The following SMCP variants were observed in gnomAD, a reference collection of about 807,000 sequenced individuals.
SMCP encodes the protein sperm mitochondrial-associated cysteine-rich protein.
For missense variants in SMCP, 137 were observed against 137.1 expected, an observed-to-expected ratio of 1.00 and a Z score of 0.01; for synonymous variants, 41 against 46.9, an observed-to-expected ratio of 0.87 and a Z score of 0.51.
intron 1 of SMCP, among the ~76,000 whole-genome samples, chr1:152,881,765 A>C: frequency 6.6e-6 from 1 of 151,920 alleles, no homozygotes; most frequent in East Asian, 1.9e-4. Context: ...TAATCGATTC[A>C]CAGTTCCACA....
intron 1 of SMCP, among the ~76,000 whole-genome samples, chr1:152,880,386 C>T (rs1263048480): frequency 6.6e-6 from 1 of 152,162 alleles, no homozygotes; most frequent in Non-Finnish European, 1.5e-5. Flanking sequence ...ACACACACTT[C>T]CTGTCAAACA....
chr1:152,884,635 C>G lies in SMCP; in HGVS notation c.213C>G (p.Cys71Trp), dbSNP rs1649160278. The G allele has an allele frequency of 6.2e-7, 1 of 1,614,092 alleles. No individual in the cohort carries two copies. The highest frequency in any genetic ancestry group is 1.3e-5 in the African/African-American group (1 of 74,922). ...CCCCATGCTGCATTCAGGCCAGGTG[C>G]TGTGGTTTGGAGACCAAGCCTGAAG... is the stretch of plus-strand genomic sequence containing the variant. ...PKPPCCIQAR[C>W]CGLETKPEVS... The change falls in exon 2 of 2, where the codon TGC (cysteine) becomes TGG (tryptophan). Residue 71 changes from cysteine (C) to tryptophan (W), a missense_variant. Coordinates refer to ENST00000368765, the MANE Select transcript of SMCP (RefSeq NM_030663.3).
Position 152,884,876 on chromosome 1 carries a change from C to T in SMCP, c.*103C>T, listed in dbSNP as rs1649170404. The T allele has an allele frequency of 1.0e-6, 1 of 987,046 alleles. No individual in the cohort carries two copies. The highest frequency in any genetic ancestry group is 1.5e-6 in the Non-Finnish European group (1 of 666,546). The allele number at this position is 987,046 out of a possible 1,614,324, so 61.1% of individuals were successfully genotyped here. ...CAGGCTAGACCTGTGTTTAGAGAAG[C>T]AGTTTTCACAGTGACTACCATTTCC... On this transcript the variant is annotated 3_prime_UTR_variant, in exon 2 of 2. Coordinates refer to ENST00000368765, the MANE Select transcript of SMCP (RefSeq NM_030663.3).
chr1:152,883,469 G>A (rs1165507930), intron 1 of SMCP, among the ~76,000 whole-genome samples: 1 of 152,224 alleles, frequency 6.6e-6, no homozygotes, highest in Non-Finnish European at 1.5e-5. Context: ...CCTGGGCTGA[G>A]GCCCAGGGAC....
chr1:152,881,110 G>A (rs77107784), intron 1 of SMCP, among the ~76,000 whole-genome samples: 8,996 of 151,344 alleles, frequency 0.059, 1,073 homozygotes, highest in East Asian at 0.52. Context: ...TGGCGCTGTC[G>A]GCCACACCTG....
chr1:152,883,011 T>C (rs947708298), intron 1 of SMCP, among the ~76,000 whole-genome samples: 1 of 152,186 alleles, frequency 6.6e-6, no homozygotes, highest in Non-Finnish European at 1.5e-5. Context: ...ACCATTGCAC[T>C]CCAGCCTGGG....
chr1:152,882,569 A>G (rs1304867226), intron 1 of SMCP, among the ~76,000 whole-genome samples: 2 of 152,182 alleles, frequency 1.3e-5, no homozygotes, highest in Non-Finnish European at 1.5e-5. Flanking sequence ...AGCAATCTCA[A>G]TTTGTTAAAC....
At chr1:152,879,393 G>C (rs573070691) in intron 1 of SMCP, among the ~76,000 whole-genome samples, 29 of 152,152 alleles carry the variant, frequency 1.9e-4, no homozygotes, top group African/African-American at 6.7e-4. Flanking sequence ...GCTAATTTTT[G>C]TATTTTCAGT....
chr1:152,881,665 G>A (rs966555524), intron 1 of SMCP, among the ~76,000 whole-genome samples: 16 of 146,572 alleles, frequency 1.1e-4, no homozygotes, highest in African/African-American at 2.6e-4. Flanking sequence ...TCCGCAGTCC[G>A]GCCTGGGCGA....
chr1:152,879,762 C>A (rs1160117604), intron 1 of SMCP, among the ~76,000 whole-genome samples: 1 of 152,200 alleles, frequency 6.6e-6, no homozygotes, highest in Non-Finnish European at 1.5e-5. Flanking sequence ...TTCCAACCTG[C>A]TGTCCTTCTC....
At chr1:152,879,860 G>C (rs1045297697) in intron 1 of SMCP, among the ~76,000 whole-genome samples, 1 of 152,114 alleles carries the variant, frequency 6.6e-6, no homozygotes, top group African/African-American at 2.4e-5. Context: ...GGTGGGACTG[G>C]TGAGGCAAGC....
chr1:152,879,297 T>C (rs1557857204), intron 1 of SMCP, among the ~76,000 whole-genome samples: 1 of 152,176 alleles, frequency 6.6e-6, no homozygotes, highest in Non-Finnish European at 1.5e-5. Flanking sequence ...CTCGGCTCAC[T>C]GTAACTTCTA....
At chr1:152,878,747 G>A (rs1184157254) in intron 1 of SMCP, among the ~76,000 whole-genome samples, 1 of 152,274 alleles carries the variant, frequency 6.6e-6, no homozygotes, top group South Asian at 2.1e-4. Flanking sequence ...GAAGTACAGG[G>A]GATCCAAGAA....
chr1:152,883,202 G>A (rs1260347560), intron 1 of SMCP, among the ~76,000 whole-genome samples: 2 of 152,216 alleles, frequency 1.3e-5, no homozygotes, highest in African/African-American at 4.8e-5. Context: ...ACAGGGCTCT[G>A]ACAGGCCTGG....
At chr1:152,881,154 G>A (rs968319683) in intron 1 of SMCP, among the ~76,000 whole-genome samples, 4 of 152,022 alleles carry the variant, frequency 2.6e-5, no homozygotes, top group African/African-American at 9.7e-5. Context: ...ACTATGAACT[G>A]GATTTAGGTG....
At chr1:152,880,945 C>A (rs1449796279) in intron 1 of SMCP, among the ~76,000 whole-genome samples, 1 of 152,124 alleles carries the variant, frequency 6.6e-6, no homozygotes, top group African/African-American at 2.4e-5. Context: ...GAGATTCAAA[C>A]ATAGGGGTCC....
At chr1:152,883,474 AG>A (rs1649116315) in intron 1 of SMCP, among the ~76,000 whole-genome samples, 1 of 152,240 alleles carries the variant, frequency 6.6e-6, no homozygotes, top group South Asian at 2.1e-4. Context: ...GCTGAGGCCC[AG>A]GGACGTTCCC....
chr1:152,879,994 C>T (rs1359756485), intron 1 of SMCP, among the ~76,000 whole-genome samples: 1 of 152,112 alleles, frequency 6.6e-6, no homozygotes, highest in East Asian at 1.9e-4. Flanking sequence ...ACTGGACTTC[C>T]AAGTGGTGAT....
chr1:152,879,393 G>A (rs573070691), intron 1 of SMCP, among the ~76,000 whole-genome samples: 1 of 152,034 alleles, frequency 6.6e-6, no homozygotes, highest in East Asian at 1.9e-4. Flanking sequence ...GCTAATTTTT[G>A]TATTTTCAGT....
Sources: gnomAD v4.1 joint callset for allele counts (sites outside exome capture counted in the v4.1 genomes callset) on GRCh38, gnomAD v4.1.1 for gene constraint, MANE v1.5 for transcripts, NCBI Gene and HGNC (gene_info 2026-07-23, HGNC 2026-07-21) for gene names.